MARCHF10: variants seen among roughly 807,000 people sequenced by gnomAD.
MARCHF10 encodes probable E3 ubiquitin-protein ligase MARCHF10.
Under a neutral mutation model 76.2 loss-of-function variants are expected in MARCHF10, and 64 were observed. The ratio of observed to expected loss-of-function variants is 0.84; its 90% CI spans 0.69 to 1.03. The LOEUF (loss-of-function observed/expected upper bound fraction) is 1.03. MARCHF10 is among the 50% of genes least tolerant of loss of function. The pLI is 0.00. For missense variants in MARCHF10, 875 were observed against 958.0 expected (o/e 0.91, Z 1.14); for synonymous variants, 340 against 357.5 (o/e 0.95, Z 0.55).
intron 1 of MARCHF10, among the ~76,000 whole-genome samples, chr17:62,802,429 G>A (rs758649586): frequency 1.3e-5 from 2 of 151,840 alleles, no homozygotes; most frequent in African/African-American, 4.8e-5. Flanking sequence ...CGTGTTGGCC[G>A]GGCTGGTCTC....
chr17:62,789,086 A>C (rs961409490), intron 2 of MARCHF10, among the ~76,000 whole-genome samples: 3 of 150,764 alleles, frequency 2.0e-5, no homozygotes, highest in Non-Finnish European at 3.0e-5. Flanking sequence ...AAAAAAAAAA[A>C]AAAAAAAACG....
intron 1 of MARCHF10, among the ~76,000 whole-genome samples, chr17:62,806,249 A>G (rs1442324184): frequency 6.6e-6 from 1 of 152,200 alleles, no homozygotes; most frequent in East Asian, 1.9e-4. Flanking sequence ...TGGAAATAAA[A>G]CTACATGAGA....
At chr17:62,794,763 T>C (rs1375229650) in intron 2 of MARCHF10, among the ~76,000 whole-genome samples, 1 of 152,198 alleles carries the variant, frequency 6.6e-6, no homozygotes, top group Non-Finnish European at 1.5e-5. Flanking sequence ...CAGAATGGCA[T>C]CTGTTCCTCT....
At chr17:62,748,635 A>G (rs764508118) in intron 4 of MARCHF10, among the ~76,000 whole-genome samples, 2 of 151,788 alleles carry the variant, frequency 1.3e-5, no homozygotes, top group Non-Finnish European at 1.5e-5. Flanking sequence ...TCCTGGCTAC[A>G]TGGGAGGCTG....
chr17:62,741,586 C>T (rs549834112), intron 5 of MARCHF10, among the ~76,000 whole-genome samples: 7 of 152,234 alleles, frequency 4.6e-5, no homozygotes, highest in South Asian at 2.1e-4. Context: ...GCCAAATTTA[C>T]GTCATGTAGA....
intron 3 of MARCHF10, among the ~76,000 whole-genome samples, chr17:62,782,187 C>T (rs143206237): frequency 7.9e-5 from 12 of 152,116 alleles, no homozygotes; most frequent in African/African-American, 2.7e-4. Flanking sequence ...GACCTTGGTT[C>T]TCTTTTGAGA....
chr17:62,747,918 A>G (rs1449166004), intron 4 of MARCHF10, among the ~76,000 whole-genome samples: 1 of 152,240 alleles, frequency 6.6e-6, no homozygotes, highest in Non-Finnish European at 1.5e-5. Flanking sequence ...AAGATGAACA[A>G]GATGTTGCCT....
At position 62,701,586 on chromosome 17, in the gene MARCHF10, CTG is replaced by C. The variant is rs753262565; in HGVS notation, c.*115_*116del. On this transcript the variant is annotated 3_prime_UTR_variant, in exon 11 of 11. Transcript: ENST00000311269. ...AGAGTGGCACGAGGTGAAAATCTAA[CTG>C]TGAACGCTTTGGTTTCAGTTTCAGT... 6.9e-6 allele frequency: 11 copies of C among 1,592,566 alleles called. No homozygotes were observed. In the Admixed American group the frequency reaches 1.3e-4, roughly 19 times the overall value.
At chr17:62,766,097 G>A in intron 3 of MARCHF10, among the ~76,000 whole-genome samples, 1 of 152,194 alleles carries the variant, frequency 6.6e-6, no homozygotes, top group Non-Finnish European at 1.5e-5. Flanking sequence ...TCAGGAGGCT[G>A]AGGCAGAAGG....
intron 8 of MARCHF10, among the ~76,000 whole-genome samples, chr17:62,722,195 A>G (rs552686019): frequency 5.5e-5 from 8 of 146,778 alleles, no homozygotes; most frequent in Admixed American, 2.8e-4. Flanking sequence ...AGGTGGGAGG[A>G]TCGCTTGAAC....
At chr17:62,705,007 AG>A in intron 10 of MARCHF10, 1 of 983,784 alleles carries the variant, frequency 1.0e-6, no homozygotes, top group Non-Finnish European at 1.2e-6. Flanking sequence ...ACCTGTTTGC[AG>A]AGAGCCGTCT....
At chr17:62,723,263 A>G (rs866853899) in intron 7 of MARCHF10, among the ~76,000 whole-genome samples, 44 of 150,418 alleles carry the variant, frequency 2.9e-4, no homozygotes, top group Admixed American at 3.4e-4. Context: ...CTATTCCCCA[A>G]TGCAAAAGTG....
Position 62,720,109 on chromosome 17 carries a change from T to A in MARCHF10, c.2214+2379A>T, listed in dbSNP as rs543142374. Among the ~76,000 whole-genome samples, 3 of 152,368 alleles carry A rather than the reference T, an allele frequency of 2.0e-5. No homozygotes were observed. In the South Asian group the frequency reaches 6.2e-4, roughly 32 times the overall value. On this transcript the variant is annotated intron_variant, in intron 8 of 10. Transcript: ENST00000311269. ...TTTACCTGTTAGAGTCCTTAGCATA[T>A]TAATCATAGTGTTTTACATTCCTGG...
intron 3 of MARCHF10, among the ~76,000 whole-genome samples, chr17:62,784,109 G>A (rs1219871501): frequency 6.6e-6 from 1 of 152,108 alleles, no homozygotes; most frequent in African/African-American, 2.4e-5. Flanking sequence ...GATGAACATC[G>A]ATGCGAAAAT....
intron 2 of MARCHF10, among the ~76,000 whole-genome samples, chr17:62,789,523 C>T (rs1299747546): frequency 3.9e-5 from 6 of 151,964 alleles, no homozygotes; most frequent in Non-Finnish European, 7.4e-5. Flanking sequence ...TATTTTTTTC[C>T]TATTGTAGGT....
Position 62,796,165 on chromosome 17 carries a change from G to A in MARCHF10, c.90+5481C>T, listed in dbSNP as rs145860994. Among the ~76,000 whole-genome samples the A allele has an allele frequency of 1.8e-3, 267 of 152,020 alleles. 1 individual carries two copies. Among genetic ancestry groups the A allele is most frequent in the Admixed American group, 1.8e-3 (28 of 15,264 alleles). On this transcript the variant is annotated intron_variant, in intron 2 of 10. Coordinates refer to ENST00000311269, the MANE Select transcript of MARCHF10 (RefSeq NM_152598.4). ...ATTACAGGTGTGCACCACCACACCCGTCTAGTTTTTGTATTTTTAGTAGAG... is the reference window on the plus strand; with the variant it reads ...ATTACAGGTGTGCACCACCACACCCATCTAGTTTTTGTATTTTTAGTAGAG...
chr17:62,807,186 C>A (rs1261561923), intron 1 of MARCHF10, among the ~76,000 whole-genome samples: 1 of 152,070 alleles, frequency 6.6e-6, no homozygotes, highest in East Asian at 1.9e-4. Context: ...TAAATCTTAG[C>A]TCTAAAAAAA....
rs145965988 is a variant in MARCHF10 at position 62,769,184 on chromosome 17, C to T, written c.211-9178G>A. Among the ~76,000 whole-genome samples, 917 of 152,252 alleles carry T rather than the reference C, an allele frequency of 6.0e-3. 9 individuals are homozygous for T. Among genetic ancestry groups the T allele is most frequent in the African/African-American group, 0.021 (874 of 41,540 alleles). On this transcript the variant is annotated intron_variant, in intron 3 of 10. Transcript: ENST00000311269. ...TAGGTTGTCCCAATATTGGTAAATG[C>T]TGTGTTTGATCTATAGGATAAGGTG...
chr17:62,753,074 C>T (rs2091942634), intron 4 of MARCHF10, among the ~76,000 whole-genome samples: 1 of 152,072 alleles, frequency 6.6e-6, no homozygotes, highest in Admixed American at 6.6e-5. Context: ...GTAGCCTGAC[C>T]CTAAACCAGA....
Sources: allele counts gnomAD v4.1 joint callset (sites outside exome capture counted in the v4.1 genomes callset), GRCh38; gene constraint gnomAD v4.1.1; transcripts MANE v1.5; gene names NCBI Gene and HGNC (gene_info 2026-07-23, HGNC 2026-07-21).